DNAH9: variants seen among roughly 807,000 people sequenced by gnomAD.
The protein encoded by DNAH9 is DNAH9 variant protein.
Under a neutral mutation model 471.6 loss-of-function variants are expected in DNAH9, and 345 were observed. The ratio of observed to expected loss-of-function variants is 0.73; its 90% confidence interval spans 0.67 to 0.80. The LOEUF (loss-of-function observed/expected upper bound fraction) is 0.80. DNAH9 is among the 30% of genes least tolerant of loss of function. DNAH9 has a pLI of 0.00. For missense variants in DNAH9, 5,407 were observed against 5,609.2 expected (o/e 0.96, Z 1.15); for synonymous variants, 2,093 against 2,123.6 (o/e 0.99, Z 0.40).
At chr17:11,939,866 T>A (rs990819984) in intron 66 of DNAH9, among the ~76,000 whole-genome samples, 2 of 146,282 alleles carry the variant, frequency 1.4e-5, no homozygotes, top group Non-Finnish European at 3.0e-5. Context: ...TGGGTGATGA[T>A]GGATAGATAA....
intron 6 of DNAH9, among the ~76,000 whole-genome samples, chr17:11,627,093 G>T (rs1329065957): frequency 6.6e-6 from 1 of 152,186 alleles, no homozygotes; most frequent in African/African-American, 2.4e-5. Flanking sequence ...AGCTGGATGG[G>T]TGGATCTCTT....
chr17:11,780,977 C>T (rs925239129), intron 38 of DNAH9, 32 bp from the exon 39 acceptor site: 68 of 1,601,442 alleles, frequency 4.2e-5, no homozygotes, highest in Non-Finnish European at 5.0e-5. Flanking sequence ...AGATTTGAGC[C>T]GCCTTCCCTC....
chr17:11,776,308 T>G (rs967121588), intron 38 of DNAH9, among the ~76,000 whole-genome samples: 3 of 150,966 alleles, frequency 2.0e-5, no homozygotes, highest in Admixed American at 1.3e-4. Flanking sequence ...GGCTGCTCCT[T>G]CAAGGTGGCA....
In DNAH9 at chr17:11,785,934, G is replaced by A. The variant is rs150896530; in HGVS notation, c.8061+1395G>A. 2.6e-5 allele frequency among the ~76,000 whole-genome samples: 4 copies of A among 152,310 alleles called. No homozygotes were observed. In the South Asian group the frequency reaches 6.2e-4, roughly 24 times the overall value. ...AAAGCCTGCATCTCTGCAGGCCTCA[G>A]GACTGGACAGCAGCAAAGTTTGTGC... On this transcript the variant is annotated intron_variant, in intron 41 of 68. Coordinates refer to ENST00000262442, the MANE Select transcript of DNAH9 (RefSeq NM_001372.4).
chr17:11,692,365 C>G (rs1280829873), intron 20 of DNAH9, among the ~76,000 whole-genome samples: 1 of 152,198 alleles, frequency 6.6e-6, no homozygotes, highest in Non-Finnish European at 1.5e-5. Flanking sequence ...TCTACCACCT[C>G]ACCAGGTGCC....
rs536545281 is a variant in DNAH9 at position 11,623,097 on chromosome 17, C to T, written c.1350+3316C>T. ...CAAGCGATTCTCCTGCCTCAGCCTC[C>T]CAAGTAGCTGGGATTACAGGCATGT... On this transcript the variant is annotated intron_variant, in intron 6 of 68. Coordinates refer to ENST00000262442, the MANE Select transcript of DNAH9 (RefSeq NM_001372.4). The surrounding 1 kb of genome is among the most constrained non-coding windows in gnomAD (Gnocchi z 4.1). 1.5e-4 allele frequency among the ~76,000 whole-genome samples: 23 copies of T among 151,904 alleles called. 1 individual carries two copies. The highest frequency in any genetic ancestry group is 1.0e-3 in the South Asian group (5 of 4,800).
chr17:11,746,785 G>A lies in DNAH9; in HGVS notation c.6400-771G>A, dbSNP rs1966895709. Among the ~76,000 whole-genome samples the A allele has an allele frequency of 3.9e-5, 6 of 152,188 alleles. No homozygotes were observed. In the South Asian group the frequency reaches 1.2e-3, roughly 32 times the overall value. ...GTCCTTCAAAGTTTTTAAGGGAAAT[G>A]ATTTCAAGACTAGAATTCTATACAA... On this transcript the variant is annotated intron_variant, in intron 31 of 68. Coordinates refer to ENST00000262442, the MANE Select transcript of DNAH9 (RefSeq NM_001372.4).
chr17:11,637,069 C>T (rs970842837), intron 9 of DNAH9, among the ~76,000 whole-genome samples: 1 of 152,128 alleles, frequency 6.6e-6, no homozygotes, highest in Admixed American at 6.5e-5. Context: ...TGAGTTGACC[C>T]TTGATCAGTG....
chr17:11,659,501 G>A (rs560479317), intron 14 of DNAH9, among the ~76,000 whole-genome samples: 1 of 152,238 alleles, frequency 6.6e-6, no homozygotes, highest in African/African-American at 2.4e-5. Flanking sequence ...AGAGAACCCA[G>A]GCATCAGGGC....
At chr17:11,642,244 A>G (rs558187250) in intron 10 of DNAH9, among the ~76,000 whole-genome samples, 13 of 152,256 alleles carry the variant, frequency 8.5e-5, no homozygotes, top group South Asian at 4.1e-4. Flanking sequence ...AATGAATTCA[A>G]ATGTGTATTA....
intron 67 of DNAH9, among the ~76,000 whole-genome samples, chr17:11,944,769 C>T (rs1360961985): frequency 6.6e-6 from 1 of 152,146 alleles, no homozygotes; most frequent in African/African-American, 2.4e-5. Context: ...TCCTACCAAC[C>T]TCTAAGGGTG....
chr17:11,723,689 A>T (rs1177872064), intron 27 of DNAH9, among the ~76,000 whole-genome samples: 3 of 150,946 alleles, frequency 2.0e-5, no homozygotes, highest in Non-Finnish European at 2.9e-5. Context: ...TTTTTTTGAG[A>T]TGGAGTCTCG....
chr17:11,885,442 G>T, intron 56 of DNAH9, among the ~76,000 whole-genome samples: 1 of 152,212 alleles, frequency 6.6e-6, no homozygotes. Flanking sequence ...GGGCATCAAA[G>T]ATCATAAACC....
chr17:11,954,054 T>C (rs2151443544), intron 67 of DNAH9: 1 of 151,900 alleles, frequency 6.6e-6, no homozygotes, highest in South Asian at 2.1e-4. Flanking sequence ...TAAAAACATC[T>C]AGAATAATGA....
chr17:11,781,019 G>A lies in DNAH9; in HGVS notation c.7563G>A (p.Glu2521=), dbSNP rs1597637727. The change falls in exon 39 of 69, where the codon GAG becomes GAA. Residue 2521 remains glutamate (E), a synonymous_variant. Transcript: ENST00000262442. ...TGGCTCTCTCCCCAGCTGTCCTGGAGAAGCCTCTGGAAAAGAAGGCTGGCA... is the reference window on the plus strand; with the variant it reads ...TGGCTCTCTCCCCAGCTGTCCTGGAAAAGCCTCTGGAAAAGAAGGCTGGCA... ...TTSAMLQAVL[E]KPLEKKAGRN... 2 of 1,613,874 alleles carry A rather than the reference G, an allele frequency of 1.2e-6. No individual in the cohort carries two copies. The highest frequency in any genetic ancestry group is 1.7e-6 in the Non-Finnish European group (2 of 1,179,882).
chr17:11,727,759 C>A, intron 27 of DNAH9, 59 bp from the exon 28 acceptor site: 1 of 1,163,102 alleles, frequency 8.6e-7, no homozygotes, highest in South Asian at 1.2e-5. Context: ...AGAATGGCTT[C>A]AACATGTATT....
intron 61 of DNAH9, among the ~76,000 whole-genome samples, chr17:11,908,109 G>A (rs760372167): frequency 6.6e-6 from 1 of 152,056 alleles, no homozygotes. Flanking sequence ...GGGAGGTATT[G>A]GTTCCAGTCC....
intron 6 of DNAH9, among the ~76,000 whole-genome samples, chr17:11,624,103 T>C (rs1567672550): frequency 6.6e-6 from 1 of 152,214 alleles, no homozygotes; most frequent in Non-Finnish European, 1.5e-5. Flanking sequence ...ATGATACAGG[T>C]AATCTCTTAG....
At chr17:11,824,403 G>A (rs73980506) in intron 48 of DNAH9, among the ~76,000 whole-genome samples, 6,680 of 152,076 alleles carry the variant, frequency 0.044, 496 homozygotes, top group African/African-American at 0.15. Context: ...GTGAGCCCTC[G>A]CAATCTGTAC....
Sources: gnomAD v4.1 joint callset for allele counts (sites outside exome capture counted in the v4.1 genomes callset) on GRCh38, gnomAD v4.1.1 for gene constraint, Gnocchi (gnomAD v3.1) non-coding constraint, MANE v1.5 for transcripts, NCBI Gene and HGNC (gene_info 2026-07-23, HGNC 2026-07-21) for gene names.